B3GAT2: variants seen among roughly 807,000 people sequenced by gnomAD.
B3GAT2 encodes galactosylgalactosylxylosylprotein 3-beta-glucuronosyltransferase 2.
In B3GAT2, 26 loss-of-function variants were observed where a neutral mutation model predicts 27.8. That is an observed-to-expected ratio of 0.93 (90% CI 0.68 to 1.30). The LOEUF (loss-of-function observed/expected upper bound fraction) is 1.30, where lower values mean the gene tolerates loss of function less well. B3GAT2 is among the 50% of genes most tolerant of loss of function. B3GAT2 has a pLI of 0.00. For synonymous variants in B3GAT2, 218 were observed against 195.1 expected (o/e 1.12, Z -0.98); for missense variants, 458 against 459.0 (o/e 1.00, Z 0.02).
At chr6:70,864,936 G>T (rs912567248) in intron 2 of B3GAT2, among the ~76,000 whole-genome samples, 1 of 151,332 alleles carries the variant, frequency 6.6e-6, no homozygotes, top group Non-Finnish European at 1.5e-5. Flanking sequence ...GGTCAGCTGA[G>T]TAAAAAAAAA....
At chr6:70,882,768 A>G (rs761796629) in intron 2 of B3GAT2, among the ~76,000 whole-genome samples, 17 of 152,192 alleles carry the variant, frequency 1.1e-4, no homozygotes, top group Non-Finnish European at 2.1e-4. Flanking sequence ...GAGAGTGGAG[A>G]ATGCATGCCG....
At chr6:70,910,119 C>T (rs1562226217) in intron 1 of B3GAT2, among the ~76,000 whole-genome samples, 1 of 152,142 alleles carries the variant, frequency 6.6e-6, no homozygotes, top group Non-Finnish European at 1.5e-5. Flanking sequence ...CTGATCCACC[C>T]GCCTCAGCCT....
intron 2 of B3GAT2, among the ~76,000 whole-genome samples, chr6:70,893,182 A>G (rs1345785854): frequency 6.6e-6 from 1 of 152,098 alleles, no homozygotes; most frequent in Non-Finnish European, 1.5e-5. Context: ...CCTCAGATTT[A>G]TAGTATTGTC....
chr6:70,860,865 A>C lies in B3GAT2; in HGVS notation c.*798T>G, dbSNP rs1007597474. 3 of 394,034 alleles carry C rather than the reference A, an allele frequency of 7.6e-6. No homozygotes were observed. The highest frequency in any genetic ancestry group is 9.0e-6 in the Non-Finnish European group (2 of 223,272). 24.4% of individuals were successfully genotyped at this position (394,034 alleles called of 1,614,324 possible). On this transcript the variant is annotated 3_prime_UTR_variant, in exon 4 of 4. Transcript: ENST00000230053. ...GTTGTTATGATGTGCTTAACAGGGA[A>C]CGTGATTAGTGAAAGGAAGATAAAC...
At chr6:70,930,286 G>A (rs56006939) in intron 1 of B3GAT2, among the ~76,000 whole-genome samples, 25,954 of 152,070 alleles carry the variant, frequency 0.17, 2,652 homozygotes, top group East Asian at 0.44. Context: ...GCATAGGCAA[G>A]GACTTCATGA....
At chr6:70,915,851 T>C (rs898863563) in intron 1 of B3GAT2, among the ~76,000 whole-genome samples, 3 of 152,204 alleles carry the variant, frequency 2.0e-5, no homozygotes, top group Non-Finnish European at 4.4e-5. Flanking sequence ...CCTCCAGCTT[T>C]GTTCTTTTTG....
chr6:70,883,741 C>T (rs1436439351), intron 2 of B3GAT2, among the ~76,000 whole-genome samples: 1 of 152,196 alleles, frequency 6.6e-6, no homozygotes, highest in Non-Finnish European at 1.5e-5. Flanking sequence ...GTATATTTCA[C>T]CACAATCAAA....
chr6:70,871,747 T>C (rs1324779142), intron 2 of B3GAT2, among the ~76,000 whole-genome samples: 1 of 151,978 alleles, frequency 6.6e-6, no homozygotes, highest in African/African-American at 2.4e-5. Flanking sequence ...CTGCTTATTT[T>C]GAGTTTACTC....
At chr6:70,954,471 A>T (rs1310794139) in intron 1 of B3GAT2, among the ~76,000 whole-genome samples, 4 of 152,200 alleles carry the variant, frequency 2.6e-5, no homozygotes, top group African/African-American at 9.6e-5. Flanking sequence ...ACCTTTAAGA[A>T]AATTTTTTTA....
intron 1 of B3GAT2, among the ~76,000 whole-genome samples, chr6:70,915,418 C>G (rs933560785): frequency 6.6e-6 from 1 of 152,156 alleles, no homozygotes; most frequent in African/African-American, 2.4e-5. Context: ...AATTAGATGC[C>G]ATTTGTCAAT....
chr6:70,938,003 C>T (rs1765324880), intron 1 of B3GAT2, among the ~76,000 whole-genome samples: 1 of 151,118 alleles, frequency 6.6e-6, no homozygotes, highest in Non-Finnish European at 1.5e-5. Flanking sequence ...TCTACAAAAC[C>T]CCATTGTCTC....
At chr6:70,896,941 G>C (rs761291809) in intron 1 of B3GAT2, among the ~76,000 whole-genome samples, 1 of 152,086 alleles carries the variant, frequency 6.6e-6, no homozygotes, top group Non-Finnish European at 1.5e-5. Context: ...TGGAATGGCT[G>C]GATCATGCAC....
chr6:70,904,659 C>T (rs1034698615), intron 1 of B3GAT2, among the ~76,000 whole-genome samples: 2 of 152,126 alleles, frequency 1.3e-5, no homozygotes, highest in African/African-American at 4.8e-5. Context: ...CTGAAGGGTT[C>T]CTGGCCAATC....
chr6:70,951,973 T>G (rs1765584181), intron 1 of B3GAT2, among the ~76,000 whole-genome samples: 3 of 152,190 alleles, frequency 2.0e-5, no homozygotes, highest in Admixed American at 6.5e-5. Context: ...CATGTTTCCT[T>G]TCAGGAAACA....
At chr6:70,893,268 C>T (rs77842287) in intron 2 of B3GAT2, among the ~76,000 whole-genome samples, 7 of 152,292 alleles carry the variant, frequency 4.6e-5, no homozygotes, top group East Asian at 3.9e-4. Flanking sequence ...ATCTTGACTA[C>T]GGCTGGGAAA....
intron 1 of B3GAT2, among the ~76,000 whole-genome samples, chr6:70,909,987 C>T (rs959681681): frequency 1.3e-5 from 2 of 152,156 alleles, no homozygotes; most frequent in Non-Finnish European, 2.9e-5. Flanking sequence ...CATTCTCCTG[C>T]CTCAGTCTCC....
At chr6:70,946,555 A>G (rs1765486791) in intron 1 of B3GAT2, among the ~76,000 whole-genome samples, 1 of 152,180 alleles carries the variant, frequency 6.6e-6, no homozygotes, top group South Asian at 2.1e-4. Flanking sequence ...AATGCACCCA[A>G]TACAGGAGCA....
intron 2 of B3GAT2, among the ~76,000 whole-genome samples, chr6:70,864,061 C>CT (rs35544177): frequency 0.16 from 20,915 of 129,594 alleles, 2,103 homozygotes; most frequent in Non-Finnish European, 0.22. Flanking sequence ...AAGCTTTATC[C>CT]TTTTTTTTTT....
rs1462719456 is a variant in B3GAT2 at position 70,948,000 on chromosome 6, T to TG, written c.591+7838dup. 2.2e-4 allele frequency among the ~76,000 whole-genome samples: 34 copies of TG among 152,176 alleles called. 1 individual carries two copies. The highest frequency in any genetic ancestry group is 2.2e-4 in the Non-Finnish European group (15 of 68,018). On this transcript the variant is annotated intron_variant, in intron 1 of 3. Coordinates refer to ENST00000230053, the MANE Select transcript of B3GAT2 (RefSeq NM_080742.3). ...AAAACCACATGATTATCTTAATAGA[T>TG]GCAGAAAAGGCCTTTGACAAAATTC...
Sources: gnomAD v4.1 joint callset for allele counts (sites outside exome capture counted in the v4.1 genomes callset) on GRCh38, gnomAD v4.1.1 for gene constraint, MANE v1.5 for transcripts, NCBI Gene and HGNC (gene_info 2026-07-23, HGNC 2026-07-21) for gene names.